Variants in ZNF268 observed in about 807,000 individuals in gnomAD.
The protein encoded by ZNF268 is zinc finger protein 268, also known as zinc finger protein 3.
Under a neutral mutation model 29.3 loss-of-function variants are expected in ZNF268, and 20 were observed. That is an observed-to-expected ratio of 0.68 (90% CI 0.48 to 0.99). ZNF268 has a LOEUF of 0.99. Ranked by LOEUF, ZNF268 falls within the 50% of genes least tolerant of loss-of-function variation. ZNF268 has a pLI of 0.00. For synonymous variants in ZNF268, 429 were observed against 376.9 expected (o/e 1.14, Z -1.60); for missense variants, 1,240 against 1,121.6 (o/e 1.11, Z -1.51).
In ZNF268 at chr12:133,206,144, G is replaced by A. The variant is rs1001937973; in HGVS notation, c.*1614G>A. 1.8e-4 allele frequency: 27 copies of A among 152,176 alleles called. No individual in the cohort carries two copies. Among genetic ancestry groups the A allele is most frequent in the African/African-American group, 6.0e-4 (25 of 41,444 alleles). The allele number at this position is 152,176 out of a possible 1,614,324, so 9.4% of individuals were successfully genotyped here. ...AAATCAGATGGCTTCAGAAATGGGT[G>A]GTAGAGGAGTAGGCAGAAACTTGCA... On this transcript the variant is annotated 3_prime_UTR_variant, in exon 6 of 6. Transcript: ENST00000536435.
At chr12:133,186,559 G>A (rs1258776923) in intron 2 of ZNF268, among the ~76,000 whole-genome samples, 1 of 151,470 alleles carries the variant, frequency 6.6e-6, no homozygotes, top group Non-Finnish European at 1.5e-5. Context: ...TTGTATTTTA[G>A]TAGAGACGGG....
intron 1 of ZNF268, 77 bp downstream of exon 1, chr12:133,181,763 C>G (rs950441860): frequency 1.8e-6 from 1 of 561,926 alleles, no homozygotes. Context: ...GCTGCTGACC[C>G]GGGGCGGTTG....
intron 2 of ZNF268, chr12:133,184,764 G>C (rs753978996): frequency 1.8e-5 from 8 of 440,902 alleles, no homozygotes; most frequent in Middle Eastern, 6.1e-4. Context: ...TTACAGGTGC[G>C]CACCACCATG....
intron 2 of ZNF268, among the ~76,000 whole-genome samples, chr12:133,187,205 C>T (rs183382527): frequency 2.6e-5 from 4 of 152,044 alleles, no homozygotes; most frequent in African/African-American, 9.6e-5. Context: ...CACTTTTCAC[C>T]TGTGCCGCCT....
chr12:133,189,966 C>T (rs2135494012), intron 3 of ZNF268, among the ~76,000 whole-genome samples: 1 of 150,962 alleles, frequency 6.6e-6, no homozygotes, highest in East Asian at 1.9e-4. Context: ...TGCCACCATG[C>T]CCGGCTAATT....
At chr12:133,190,409 C>T (rs1160082870) in intron 3 of ZNF268, among the ~76,000 whole-genome samples, 9 of 152,138 alleles carry the variant, frequency 5.9e-5, no homozygotes, top group Admixed American at 5.9e-4. Context: ...ACTTTTCATT[C>T]CCACCAGCAA....
rs1956914481 is a variant in ZNF268, at chr12:133,207,248, C to T, written c.*2718C>T. On this transcript the variant is annotated 3_prime_UTR_variant, in exon 6 of 6. Coordinates refer to ENST00000536435, the MANE Select transcript of ZNF268 (RefSeq NM_003415.3). The stretch of plus-strand genomic sequence containing the variant: ...ATAACCCCAATATTTTACAACTTCC[C>T]CATCAAATAGAAATTTAGGAGAAAA... The T allele has an allele frequency of 6.6e-6, 1 of 152,024 alleles. No homozygotes were observed. Among genetic ancestry groups the T allele is most frequent in the African/African-American group, 2.4e-5 (1 of 41,378 alleles). The allele number at this position is 152,024 out of a possible 1,614,324, so 9.4% of individuals were successfully genotyped here. A position where few individuals can be genotyped will look rare whatever the true frequency, so the allele number is the denominator to read the frequency against.
chr12:133,185,779 CAA>C (rs1430792956), intron 2 of ZNF268, among the ~76,000 whole-genome samples: 1 of 152,116 alleles, frequency 6.6e-6, no homozygotes, highest in Non-Finnish European at 1.5e-5. Context: ...CACGTTCAGA[CAA>C]GAGGTAGCAG....
In ZNF268 at chr12:133,203,631, T is replaced by G. The variant is rs748596659; in HGVS notation, c.1945T>G (p.Phe649Val). The G allele has an allele frequency of 6.4e-7, 1 of 1,564,240 alleles. No individual in the cohort carries two copies. Among genetic ancestry groups the G allele is most frequent in the East Asian group, 2.4e-5 (1 of 42,340 alleles). Residue 649 changes from phenylalanine (F) to valine (V), a missense_variant, in exon 6 of 6, where the codon TTT (phenylalanine) becomes GTT (valine). Transcript: ENST00000536435. ...TAGTTGTAATGAATGTGGAAAAGCC[T>G]TTACGTTCAAATCACAGCTCATTGT... is the stretch of plus-strand genomic sequence containing the variant. The part of the protein sequence containing the change: ...PYSCNECGKA[F>V]TFKSQLIVHK...
intron 5 of ZNF268, among the ~76,000 whole-genome samples, chr12:133,194,351 C>T (rs1396252673): frequency 1.3e-5 from 2 of 152,146 alleles, no homozygotes; most frequent in African/African-American, 4.8e-5. Flanking sequence ...TGAAGTGGGG[C>T]AGCTCCAGGA....
chr12:133,201,534 T>G (rs929517518), intron 5 of ZNF268, among the ~76,000 whole-genome samples: 1 of 152,136 alleles, frequency 6.6e-6, no homozygotes, highest in African/African-American at 2.4e-5. Context: ...CTAATTTTTG[T>G]TACATTGTAG....
In ZNF268 at chr12:133,204,666, A is replaced by G. The variant is rs921236206; in HGVS notation, c.*136A>G. Reference sequence around the variant, plus strand: ...AATAGAAACTTTATGAATGCACAGCATATGGAAAGGCATCCACAGAAAGCT... The same window carrying G: ...AATAGAAACTTTATGAATGCACAGCGTATGGAAAGGCATCCACAGAAAGCT... On this transcript the variant is annotated 3_prime_UTR_variant, in exon 6 of 6. Coordinates refer to ENST00000536435, the MANE Select transcript of ZNF268 (RefSeq NM_003415.3). 10 of 638,522 alleles carry G rather than the reference A, an allele frequency of 1.6e-5. No homozygotes were observed. Among genetic ancestry groups the G allele is most frequent in the African/African-American group, 1.3e-4 (7 of 53,956 alleles). 39.6% of individuals were successfully genotyped at this position (638,522 alleles called of 1,614,324 possible).
Position 133,203,642 on chromosome 12 carries a change from A to G in ZNF268, c.1956A>G (p.Lys652=), listed in dbSNP as rs776902570. The change falls in exon 6 of 6, where the codon AAA becomes AAG. Residue 652 remains lysine (K), a synonymous_variant. Coordinates refer to ENST00000536435, the MANE Select transcript of ZNF268 (RefSeq NM_003415.3). ...CNECGKAFTF[K]SQLIVHKGVH... ...AATGTGGAAAAGCCTTTACGTTCAAATCACAGCTCATTGTACATAAAGGAG... is the reference window on the plus strand; with the variant it reads ...AATGTGGAAAAGCCTTTACGTTCAAGTCACAGCTCATTGTACATAAAGGAG... 1 of 1,557,702 alleles carries G rather than the reference A, an allele frequency of 6.4e-7. No individual in the cohort carries two copies. Among genetic ancestry groups the G allele is most frequent in the South Asian group, 1.2e-5 (1 of 85,520 alleles).
intron 3 of ZNF268, 192 bp downstream of exon 3, chr12:133,188,264 A>G (rs918125486): frequency 3.5e-6 from 2 of 568,228 alleles, no homozygotes; most frequent in East Asian, 2.9e-5. Context: ...TGGTGCAATC[A>G]TAACTCACTG....
chr12:133,204,230 A>G lies in ZNF268; in HGVS notation c.2544A>G (p.Lys848=). 1 of 1,542,098 alleles carries G rather than the reference A, an allele frequency of 6.5e-7. No individual in the cohort carries two copies. The change falls in exon 6 of 6, where the codon AAA becomes AAG. Residue 848 remains lysine (K), a synonymous_variant. Transcript: ENST00000536435. ...CSQCEKSFSG[K]LRLLVHQRMH... ...AATGTGAGAAATCCTTCAGTGGGAA[A>G]TTACGCCTTCTTGTACACCAGAGAA...
intron 5 of ZNF268, among the ~76,000 whole-genome samples, chr12:133,196,260 T>G (rs534753898): frequency 6.8e-6 from 1 of 146,658 alleles, no homozygotes; most frequent in Non-Finnish European, 1.5e-5. Context: ...GGGCGAAGAT[T>G]GTAGTGAGCC....
Position 133,188,090 on chromosome 12 carries a change from T to G in ZNF268, c.234+18T>G, listed in dbSNP as rs1179827141. On this transcript the variant is annotated intron_variant, in intron 3 of 5. Transcript: ENST00000536435. ...AGTCCTGGGTGAGCTTCTCATTTGT[T>G]TATTCCTAGTGTTTTCTTTATTACC... 3.2e-6 allele frequency: 5 copies of G among 1,558,662 alleles called. No individual in the cohort carries two copies. The African/African-American group carries it at 6.9e-5, about 22-fold the overall frequency.
Position 133,210,350 on chromosome 12 carries a change from C to G in ZNF268, c.*5820C>G. On this transcript the variant is annotated 3_prime_UTR_variant, in exon 6 of 6. Coordinates refer to ENST00000536435, the MANE Select transcript of ZNF268 (RefSeq NM_003415.3). ...TTTAGTCCTCACTGTGGTTGCATCC[C>G]CCACCACGGGTCAGTCCTGAGGAGG... is the stretch of plus-strand genomic sequence containing the variant. 6.2e-6 allele frequency: 1 copy of G among 160,508 alleles called. No individual in the cohort carries two copies. The highest frequency in any genetic ancestry group is 1.7e-4 in the East Asian group (1 of 5,822). The allele number at this position is 160,508 out of a possible 1,614,324, so 9.9% of individuals were successfully genotyped here.
rs1956963080 is a variant in ZNF268, at chr12:133,210,584, T to C, written c.*6054T>C. ...AAGGAAGCTCTGGTTCTCAGTGTGA[T>C]GCATCCCCCAGGTTGGTCCTGAGAT... On this transcript the variant is annotated 3_prime_UTR_variant, in exon 6 of 6. Transcript: ENST00000536435. The C allele has an allele frequency of 6.1e-5, 19 of 309,880 alleles. No individual in the cohort carries two copies. Among genetic ancestry groups the C allele is most frequent in the South Asian group, 5.0e-4 (18 of 35,716 alleles). The allele number at this position is 309,880 out of a possible 1,614,324, so 19.2% of individuals were successfully genotyped here.
Sources: allele counts gnomAD v4.1 joint callset (sites outside exome capture counted in the v4.1 genomes callset), GRCh38; gene constraint gnomAD v4.1.1; transcripts MANE v1.5; gene names NCBI Gene and HGNC (gene_info 2026-07-23, HGNC 2026-07-21).